The following DENND1A variants were observed in gnomAD, a reference collection of about 807,000 sequenced individuals.
DENND1A encodes DENN domain containing 1A.
A neutral mutation model predicts 113.7 loss-of-function variants in DENND1A; 51 were observed. The observed-to-expected ratio is 0.45, with a 90% CI of 0.36 to 0.57. The LOEUF is 0.57. Among genes scored for constraint, DENND1A ranks in the 20% least tolerant of loss-of-function variants. DENND1A has a pLI of 0.00. For synonymous variants in DENND1A, 565 were observed against 570.8 expected (o/e 0.99, Z 0.14); for missense variants, 1,258 against 1,395.9 (o/e 0.90, Z 1.57).
intron 13 of DENND1A, among the ~76,000 whole-genome samples, chr9:123,479,207 G>C (rs2050143350): frequency 1.3e-5 from 2 of 152,224 alleles, no homozygotes; most frequent in Non-Finnish European, 1.5e-5. Flanking sequence ...GTTCACGTGA[G>C]ACATGTCTGA....
intron 5 of DENND1A, among the ~76,000 whole-genome samples, chr9:123,680,766 T>C (rs2064392670): frequency 1.3e-5 from 2 of 152,164 alleles, no homozygotes; most frequent in South Asian, 2.1e-4. Context: ...AGAAAACCAT[T>C]AAAAAATTTT....
intron 5 of DENND1A, among the ~76,000 whole-genome samples, chr9:123,730,784 C>T (rs184050463): frequency 1.1e-3 from 170 of 152,258 alleles, no homozygotes; most frequent in Non-Finnish European, 1.9e-3. Context: ...ATAAATCATT[C>T]TACTATAAAG....
chr9:123,505,525 A>G (rs548872570), intron 13 of DENND1A, among the ~76,000 whole-genome samples: 18 of 152,216 alleles, frequency 1.2e-4, no homozygotes, highest in Non-Finnish European at 1.5e-4. Flanking sequence ...ATTTGGGGGG[A>G]AAAATGAAAT....
chr9:123,768,195 G>A (rs1334601364), intron 4 of DENND1A, among the ~76,000 whole-genome samples: 4 of 152,084 alleles, frequency 2.6e-5, no homozygotes, highest in Admixed American at 2.6e-4. Flanking sequence ...GGATTTACAA[G>A]GTCTGAGTCT....
chr9:123,521,860 C>T (rs1387194658), intron 13 of DENND1A, among the ~76,000 whole-genome samples: 3 of 152,178 alleles, frequency 2.0e-5, no homozygotes, highest in African/African-American at 4.8e-5. Context: ...TACCATCCCC[C>T]GACCTATCCC....
At chr9:123,774,493 C>T (rs1380835868) in intron 3 of DENND1A, among the ~76,000 whole-genome samples, 1 of 152,218 alleles carries the variant, frequency 6.6e-6, no homozygotes, top group East Asian at 1.9e-4. Flanking sequence ...AAATTTTTCT[C>T]CTTCACTATA....
chr9:123,651,818 G>A (rs1022148822), intron 9 of DENND1A, among the ~76,000 whole-genome samples, 195 bp downstream of exon 9: 6 of 151,570 alleles, frequency 4.0e-5, no homozygotes, highest in African/African-American at 1.5e-4. Context: ...ATAATTGACT[G>A]TGCGACTACA....
chr9:123,838,199 T>C (rs1475099456), intron 2 of DENND1A, among the ~76,000 whole-genome samples: 1 of 152,176 alleles, frequency 6.6e-6, no homozygotes, highest in African/African-American at 2.4e-5. Context: ...ACTAGCTGTA[T>C]TACCTTAAGG....
At chr9:123,463,765 C>T (rs541330282) in intron 13 of DENND1A, among the ~76,000 whole-genome samples, 2 of 152,020 alleles carry the variant, frequency 1.3e-5, no homozygotes, top group South Asian at 2.1e-4. Flanking sequence ...AAAAATTAGC[C>T]AGGCATAATG....
intron 13 of DENND1A, among the ~76,000 whole-genome samples, chr9:123,464,222 G>T (rs1224989288): frequency 6.6e-6 from 1 of 152,180 alleles, no homozygotes; most frequent in Non-Finnish European, 1.5e-5. Context: ...GGTACAAACA[G>T]TAATAACTAA....
intron 12 of DENND1A, among the ~76,000 whole-genome samples, chr9:123,566,398 C>T (rs1194029580): frequency 6.6e-6 from 1 of 152,150 alleles, no homozygotes; most frequent in East Asian, 1.9e-4. Flanking sequence ...GAGTTCCATG[C>T]TGGAGCTGGC....
intron 15 of DENND1A, among the ~76,000 whole-genome samples, chr9:123,455,059 T>A (rs954212132): frequency 6.6e-6 from 1 of 152,124 alleles, no homozygotes; most frequent in Non-Finnish European, 1.5e-5. Context: ...TGACCTCAAG[T>A]GATCCACCCG....
At chr9:123,453,092 G>C (rs186337206) in intron 16 of DENND1A, among the ~76,000 whole-genome samples, 14 of 152,310 alleles carry the variant, frequency 9.2e-5, no homozygotes, top group Admixed American at 9.1e-4. Flanking sequence ...TTTCATAGCT[G>C]TCCGTGAATC....
At chr9:123,586,437 A>G (rs908129269) in intron 11 of DENND1A, among the ~76,000 whole-genome samples, 5 of 152,178 alleles carry the variant, frequency 3.3e-5, no homozygotes, top group African/African-American at 1.2e-4. Context: ...TTACTTTTTC[A>G]ACAATGGCAG....
At chr9:123,539,749 G>A (rs1027178979) in intron 13 of DENND1A, among the ~76,000 whole-genome samples, 2 of 152,058 alleles carry the variant, frequency 1.3e-5, no homozygotes, top group Non-Finnish European at 2.9e-5. Context: ...CGGGCACGGT[G>A]GCGGGCGCCT....
chr9:123,654,587 C>T (rs577982086), intron 8 of DENND1A, among the ~76,000 whole-genome samples: 2 of 152,320 alleles, frequency 1.3e-5, no homozygotes, highest in Admixed American at 1.3e-4. Context: ...TGTCCCCCAT[C>T]TCCAATCAGA....
intron 21 of DENND1A, among the ~76,000 whole-genome samples, chr9:123,391,455 G>C (rs1204781535): frequency 6.6e-6 from 1 of 152,192 alleles, no homozygotes; most frequent in Non-Finnish European, 1.5e-5. Flanking sequence ...GGCTCAGAGA[G>C]GGGGAGTCAC....
At chr9:123,502,463 T>G (rs1484198051) in intron 13 of DENND1A, among the ~76,000 whole-genome samples, 1 of 152,228 alleles carries the variant, frequency 6.6e-6, no homozygotes, top group Non-Finnish European at 1.5e-5. Context: ...ATATGCTTAT[T>G]GGCCATTTGT....
intron 11 of DENND1A, among the ~76,000 whole-genome samples, chr9:123,598,751 T>C (rs1046911139): frequency 2.0e-5 from 3 of 152,194 alleles, no homozygotes; most frequent in African/African-American, 7.2e-5. Context: ...TATGTACTTA[T>C]CAAGCTTCAT....
Sources: gnomAD v4.1 joint callset for allele counts (sites outside exome capture counted in the v4.1 genomes callset) on GRCh38, gnomAD v4.1.1 for gene constraint, MANE v1.5 for transcripts, NCBI Gene and HGNC (gene_info 2026-07-23, HGNC 2026-07-21) for gene names.